The following NAALADL2 variants were observed in gnomAD, a reference collection of about 807,000 sequenced individuals.
The protein encoded by NAALADL2 is N-acetylated alpha-linked acidic dipeptidase like 2.
A neutral mutation model predicts 87.2 loss-of-function variants in NAALADL2; 76 were observed. The observed-to-expected ratio is 0.87, with a 90% CI of 0.72 to 1.05. NAALADL2 has a LOEUF of 1.05. Among genes scored for constraint, NAALADL2 ranks in the 50% least tolerant of loss-of-function variants. NAALADL2 has a pLI of 0.00. For synonymous variants in NAALADL2, 354 were observed against 331.0 expected, an observed-to-expected ratio of 1.07 and a Z score of -0.75; for missense variants, 1,089 against 945.8, an observed-to-expected ratio of 1.15 and a Z score of -1.99.
intron 2 of NAALADL2, among the ~76,000 whole-genome samples, chr3:174,662,824 T>C (rs990691837): frequency 1.3e-5 from 2 of 152,210 alleles, no homozygotes; most frequent in Non-Finnish European, 2.9e-5. Flanking sequence ...AACTGGGCTA[T>C]TCATAAAAGC....
chr3:175,799,107 T>C (rs987825518), intron 13 of NAALADL2, among the ~76,000 whole-genome samples: 4 of 152,084 alleles, frequency 2.6e-5, no homozygotes, highest in African/African-American at 9.7e-5. Flanking sequence ...CCTCAAGGTA[T>C]GGAGATAAAA....
chr3:175,195,993 G>A (rs1034071649), intron 2 of NAALADL2, among the ~76,000 whole-genome samples: 2 of 151,872 alleles, frequency 1.3e-5, no homozygotes, highest in African/African-American at 2.4e-5. Flanking sequence ...TTATTTTAAT[G>A]CCTTTGATAT....
rs576645139 is a variant in NAALADL2, at chr3:175,313,609, C to T, written c.940-10566C>T. 4.6e-5 allele frequency among the ~76,000 whole-genome samples: 7 copies of T among 152,286 alleles called. 1 individual carries two copies. In the South Asian group the frequency reaches 8.3e-4, roughly 18 times the overall value. ...CAATTTAGGAGCATCTGTGAATGGA[C>T]GAAATCCTACCTGTGGAATTCAACT... On this transcript the variant is annotated intron_variant, in intron 4 of 13. Transcript: ENST00000454872.
At chr3:174,951,347 ATATGG>A in intron 1 of NAALADL2, among the ~76,000 whole-genome samples, 1 of 152,186 alleles carries the variant, frequency 6.6e-6, no homozygotes, top group Admixed American at 6.6e-5. Context: ...CTTCTAAATG[ATATGG>A]TAAGAAAGAA....
In NAALADL2 at chr3:175,793,015, C is replaced by T. The variant is rs181699285; in HGVS notation, c.2190-9990C>T. On this transcript the variant is annotated intron_variant, in intron 13 of 13. Coordinates refer to ENST00000454872, the MANE Select transcript of NAALADL2 (RefSeq NM_207015.3). ...TGCAGGAAACTTCCTCTCAAATGTA[C>T]GTGCCAACATTTGGTCACATACCTA... 2.0e-5 allele frequency among the ~76,000 whole-genome samples: 3 copies of T among 152,318 alleles called. No individual in the cohort carries two copies. The East Asian group carries it at 5.8e-4, about 29-fold the overall frequency.
chr3:175,603,549 T>G (rs1723247567), intron 10 of NAALADL2, among the ~76,000 whole-genome samples: 1 of 152,304 alleles, frequency 6.6e-6, no homozygotes, highest in Non-Finnish European at 1.5e-5. Flanking sequence ...AGGTACCTCA[T>G]GTAAGTGGAT....
rs1456284600 is a variant in NAALADL2 at position 174,882,661 on chromosome 3, GCATATACACATATGTGTA to G, written c.43+23212_43+23229del. Among the ~76,000 whole-genome samples, 355 of 144,160 alleles carry G rather than the reference GCATATACACATATGTGTA, an allele frequency of 2.5e-3. 1 individual carries two copies. Among genetic ancestry groups the G allele is most frequent in the African/African-American group, 8.1e-3 (314 of 38,694 alleles). 94.6% of individuals were successfully genotyped at this position (144,160 alleles called of 152,430 possible). ...CACATATGTGCATATACACATATGT[GCATATACACATATGTGTA>G]TATGTGTATCCGTGTATATACATGT... On this transcript the variant is annotated intron_variant, in intron 1 of 13. Transcript: ENST00000454872.
At chr3:175,268,057 C>G (rs1054126402) in intron 4 of NAALADL2, among the ~76,000 whole-genome samples, 1 of 152,142 alleles carries the variant, frequency 6.6e-6, no homozygotes, top group Non-Finnish European at 1.5e-5. Context: ...TTGAATAATA[C>G]AGGCATGCAT....
intron 1 of NAALADL2, among the ~76,000 whole-genome samples, chr3:174,890,207 A>G (rs1462640490): frequency 6.6e-6 from 1 of 152,200 alleles, no homozygotes; most frequent in East Asian, 1.9e-4. Context: ...TGCATTTGAC[A>G]TTATTTAGTT....
At chr3:175,131,732 C>T (rs145637244) in intron 2 of NAALADL2, among the ~76,000 whole-genome samples, 68,626 of 147,382 alleles carry the variant, frequency 0.47, 15,731 homozygotes, top group East Asian at 0.6. Flanking sequence ...GGCAGAGGCG[C>T]CCCTCACCCC....
chr3:175,787,445 A>G (rs958894335), intron 13 of NAALADL2, among the ~76,000 whole-genome samples: 1 of 152,154 alleles, frequency 6.6e-6, no homozygotes, highest in Non-Finnish European at 1.5e-5. Flanking sequence ...TCCGAAAAGC[A>G]CAATATTCGG....
At chr3:175,335,312 A>C (rs1211350739) in intron 5 of NAALADL2, among the ~76,000 whole-genome samples, 2 of 152,216 alleles carry the variant, frequency 1.3e-5, no homozygotes, top group African/African-American at 2.4e-5. Flanking sequence ...ATCAAGCAAA[A>C]TTCCGTTGGA....
chr3:175,600,525 CTTTTTTTTTTTTT>C (rs869212429), intron 10 of NAALADL2, among the ~76,000 whole-genome samples: 3 of 61,040 alleles, frequency 4.9e-5, no homozygotes, highest in African/African-American at 1.2e-4. Flanking sequence ...GTGTCTTAGT[CTTTTTTTTTTTTT>C]TTTTTTTTTT....
intron 1 of NAALADL2, among the ~76,000 whole-genome samples, chr3:174,932,305 C>G (rs1227650805): frequency 1.3e-5 from 2 of 152,202 alleles, no homozygotes; most frequent in Non-Finnish European, 2.9e-5. Flanking sequence ...TATATGTTCT[C>G]ACTCTGATAA....
At chr3:175,646,310 C>A (rs1275949738) in intron 11 of NAALADL2, among the ~76,000 whole-genome samples, 1 of 151,812 alleles carries the variant, frequency 6.6e-6, no homozygotes, top group Non-Finnish European at 1.5e-5. Context: ...AGAACATGTT[C>A]CTACATATTC....
intron 1 of NAALADL2, among the ~76,000 whole-genome samples, chr3:175,045,074 A>G (rs1173769203): frequency 6.6e-6 from 1 of 152,070 alleles, no homozygotes; most frequent in Non-Finnish European, 1.5e-5. Context: ...TTTCTAACAT[A>G]AAATTTTGCC....
At chr3:174,723,901 C>T (rs923745300) in intron 2 of NAALADL2, among the ~76,000 whole-genome samples, 3 of 151,606 alleles carry the variant, frequency 2.0e-5, no homozygotes, top group South Asian at 4.2e-4. Context: ...AAGGTTTGGC[C>T]GCTATTAGTA....
chr3:174,511,507 A>C (rs1719599419), intron 1 of NAALADL2, among the ~76,000 whole-genome samples: 1 of 151,852 alleles, frequency 6.6e-6, no homozygotes, highest in African/African-American at 2.4e-5. Context: ...ATTGCGTATT[A>C]TTCATCTTTC....
intron 2 of NAALADL2, among the ~76,000 whole-genome samples, chr3:174,676,597 G>A (rs1041105527): frequency 4.0e-5 from 6 of 151,862 alleles, no homozygotes; most frequent in Admixed American, 2.6e-4. Flanking sequence ...ACACCTTAAA[G>A]ATTTTTCTTC....
Sources: allele counts gnomAD v4.1 joint callset (sites outside exome capture counted in the v4.1 genomes callset), GRCh38; gene constraint gnomAD v4.1.1; transcripts MANE v1.5; gene names NCBI Gene and HGNC (gene_info 2026-07-23, HGNC 2026-07-21).